The following RORA variants were observed in gnomAD, a reference collection of about 807,000 sequenced individuals.
RORA encodes the protein RAR related orphan receptor A.
A neutral mutation model predicts 69.5 loss-of-function variants in RORA; 7 were observed. That is an observed-to-expected ratio of 0.10 (90% confidence interval 0.06 to 0.19). The LOEUF is 0.19. RORA is among the 10% of genes least tolerant of loss of function. The pLI, the probability that RORA is intolerant of heterozygous loss-of-function variation, is 1.00. For synonymous variants in RORA, 261 were observed against 240.8 expected (o/e 1.08, Z -0.78); for missense variants, 457 against 663.0 (o/e 0.69, Z 3.41).
chr15:61,122,320 T>A (rs1367398759), intron 1 of RORA, among the ~76,000 whole-genome samples: 1 of 152,214 alleles, frequency 6.6e-6, no homozygotes, highest in African/African-American at 2.4e-5. Flanking sequence ...AGGGAAGCAT[T>A]TGAAAAGGGG....
intron 1 of RORA, among the ~76,000 whole-genome samples, chr15:61,016,260 A>G (rs190098013): frequency 1.6e-4 from 25 of 152,338 alleles, no homozygotes; most frequent in Admixed American, 1.5e-3. Flanking sequence ...ATACAAATAA[A>G]GCACTGACCA....
At chr15:60,749,507 G>A (rs2071693592) in intron 1 of RORA, among the ~76,000 whole-genome samples, 1 of 152,128 alleles carries the variant, frequency 6.6e-6, no homozygotes, top group African/African-American at 2.4e-5. Flanking sequence ...GCTAAGAGAG[G>A]GAGAATAAGT....
At chr15:61,063,495 C>T (rs1024999095) in intron 1 of RORA, among the ~76,000 whole-genome samples, 4 of 152,158 alleles carry the variant, frequency 2.6e-5, no homozygotes, top group Non-Finnish European at 4.4e-5. Flanking sequence ...TGCAACTGTA[C>T]AAAATGAATT....
intron 1 of RORA, among the ~76,000 whole-genome samples, chr15:61,114,887 G>A (rs984063518): frequency 1.3e-4 from 20 of 152,306 alleles, no homozygotes; most frequent in Middle Eastern, 6.8e-3. Flanking sequence ...GTCCATTTAC[G>A]ACATCAAAAT....
At chr15:61,049,908 C>T (rs749248367) in intron 1 of RORA, among the ~76,000 whole-genome samples, 30 of 152,188 alleles carry the variant, frequency 2.0e-4, no homozygotes, top group Admixed American at 1.3e-4. Context: ...ATCTGCCTGC[C>T]TCAGCCTCCC....
At chr15:60,818,505 T>C (rs1444137630) in intron 1 of RORA, among the ~76,000 whole-genome samples, 2 of 152,174 alleles carry the variant, frequency 1.3e-5, no homozygotes, top group Admixed American at 6.5e-5. Flanking sequence ...CAAAGCCCAA[T>C]GCAGAACCAG....
At chr15:60,820,711 A>G (rs1006278227) in intron 1 of RORA, among the ~76,000 whole-genome samples, 2 of 152,270 alleles carry the variant, frequency 1.3e-5, no homozygotes, top group East Asian at 1.9e-4. Flanking sequence ...TTTCCCCTAA[A>G]CCGTAAAAAC....
chr15:61,008,202 TC>T (rs1220378694), intron 1 of RORA, among the ~76,000 whole-genome samples: 2,756 of 69,268 alleles, frequency 0.04, 92 homozygotes, highest in African/African-American at 0.1. Flanking sequence ...TCTCTCTCTC[TC>T]TGTGTGTGTG....
intron 1 of RORA, among the ~76,000 whole-genome samples, chr15:60,991,529 T>C (rs1339254070): frequency 6.8e-6 from 1 of 147,212 alleles, no homozygotes; most frequent in East Asian, 2.0e-4. Context: ...ATTCTAAGAG[T>C]TTTTGTTAAA....
intron 1 of RORA, among the ~76,000 whole-genome samples, chr15:60,719,552 A>G (rs1025633105): frequency 2.0e-5 from 3 of 152,200 alleles, no homozygotes; most frequent in African/African-American, 7.2e-5. Flanking sequence ...TAGGTGCAAA[A>G]ACCCGAGAGC....
chr15:60,727,108 C>T (rs1444254465), intron 1 of RORA, among the ~76,000 whole-genome samples: 1 of 152,194 alleles, frequency 6.6e-6, no homozygotes, highest in Admixed American at 6.5e-5. Context: ...CTGTTCATAA[C>T]CAAAAAGACA....
chr15:61,048,978 C>A (rs1319336788), intron 1 of RORA, among the ~76,000 whole-genome samples: 1 of 152,172 alleles, frequency 6.6e-6, no homozygotes, highest in East Asian at 1.9e-4. Flanking sequence ...AGACTATCCA[C>A]GAATCCTTAC....
Position 60,733,669 on chromosome 15 carries a change from C to T in RORA, c.167-54983G>A, listed in dbSNP as rs72750611. On this transcript the variant is annotated intron_variant, in intron 1 of 10. Transcript: ENST00000335670. ...AGATATGCAAAGTCACTTTACTGAG[C>T]TTCTGGAAGGCAAAATTTGACTGGA... Among the ~76,000 whole-genome samples, 1,087 of 152,254 alleles carry T rather than the reference C, an allele frequency of 7.1e-3. 7 individuals are homozygous for T. Among genetic ancestry groups the T allele is most frequent in the Non-Finnish European group, 0.011 (779 of 68,030 alleles).
intron 1 of RORA, among the ~76,000 whole-genome samples, chr15:60,719,037 G>T (rs560461738): frequency 4.7e-5 from 7 of 150,056 alleles, no homozygotes; most frequent in Non-Finnish European, 7.4e-5. Context: ...GTGTGTGTGT[G>T]GGGGGGGTGT....
At position 60,591,824 on chromosome 15, in the gene RORA, C is replaced by T. The variant is rs934921891; in HGVS notation, c.197-59973G>A. Among the ~76,000 whole-genome samples, 4 of 152,036 alleles carry T rather than the reference C, an allele frequency of 2.6e-5. No individual in the cohort carries two copies. In the South Asian group the frequency reaches 8.3e-4, roughly 31 times the overall value. ...ACACAGCGCGGGACACAGCGCGGAC[C>T]TGCGGCACTTGCCCGGCCGGCGGCC... is the stretch of plus-strand genomic sequence containing the variant. On this transcript the variant is annotated intron_variant, in intron 2 of 10. Coordinates refer to ENST00000335670, the MANE Select transcript of RORA (RefSeq NM_134261.3).
rs1024088884 is a variant in RORA, at chr15:61,088,709, T to C, written c.166+140344A>G. ...CTGAGAGCAAAATGGGCTAGTAAAC[T>C]AGTAAACTAACAACGAAGCCACCAG... On this transcript the variant is annotated intron_variant, in intron 1 of 10. Coordinates refer to ENST00000335670, the MANE Select transcript of RORA (RefSeq NM_134261.3). Among the ~76,000 whole-genome samples, 5 of 151,684 alleles carry C rather than the reference T, an allele frequency of 3.3e-5. No homozygotes were observed. The East Asian group carries it at 6.5e-4, about 20-fold the overall frequency.
intron 1 of RORA, among the ~76,000 whole-genome samples, chr15:60,810,602 C>T (rs2072730161): frequency 6.6e-6 from 1 of 152,066 alleles, no homozygotes; most frequent in Non-Finnish European, 1.5e-5. Flanking sequence ...TATTACAGCT[C>T]ATTATTATTT....
At chr15:60,815,599 C>T (rs78154687) in intron 1 of RORA, among the ~76,000 whole-genome samples, 3,222 of 152,040 alleles carry the variant, frequency 0.021, 97 homozygotes, top group African/African-American at 0.054. Flanking sequence ...CAGCTTCCCC[C>T]ACTGCAGCCA....
intron 1 of RORA, among the ~76,000 whole-genome samples, chr15:61,168,234 G>A (rs192977280): frequency 3.4e-4 from 52 of 151,598 alleles, no homozygotes; most frequent in African/African-American, 1.2e-3. Flanking sequence ...GTGTGTGTGT[G>A]TGTATGTATT....
Sources: gnomAD v4.1 joint callset for allele counts (sites outside exome capture counted in the v4.1 genomes callset) on GRCh38, gnomAD v4.1.1 for gene constraint, MANE v1.5 for transcripts, NCBI Gene and HGNC (gene_info 2026-07-23, HGNC 2026-07-21) for gene names.